The following TRERF1 variants were observed in gnomAD, a reference collection of about 807,000 sequenced individuals.
TRERF1 encodes transcriptional regulating factor 1.
Under a neutral mutation model 122.9 loss-of-function variants are expected in TRERF1, and 27 were observed. The observed-to-expected ratio is 0.22, with a 90% confidence interval of 0.16 to 0.30. The LOEUF is 0.30. Among genes scored for constraint, TRERF1 ranks in the 10% least tolerant of loss-of-function variants. The probability of loss-of-function intolerance (pLI) is 1.00; values close to 1 mark genes in which losing one functional copy is unlikely to be tolerated. For synonymous variants in TRERF1, 636 were observed against 641.7 expected (o/e 0.99, Z 0.13); for missense variants, 1,248 against 1,560.3 (o/e 0.80, Z 3.37).
chr6:42,229,592 C>T (rs1770111189), intron 17 of TRERF1, among the ~76,000 whole-genome samples: 1 of 152,134 alleles, frequency 6.6e-6, no homozygotes, highest in Non-Finnish European at 1.5e-5. Flanking sequence ...AATTCAGTGG[C>T]CCCTGTCTTT....
chr6:42,332,257 A>G (rs980387680), intron 3 of TRERF1, among the ~76,000 whole-genome samples: 4 of 152,150 alleles, frequency 2.6e-5, no homozygotes, highest in Non-Finnish European at 5.9e-5. Context: ...AACATTCTAA[A>G]CCAGCCATGA....
Position 42,268,131 on chromosome 6 carries a change from A to C in TRERF1, c.1437+23T>G. ...ACCCTGTAGCACACTGGGTATTGAG[A>C]GAAACTTCCAATGGGAGAATACCTG... On this transcript the variant is annotated intron_variant, in intron 5 of 17. Coordinates refer to ENST00000372922, the Ensembl canonical transcript of TRERF1. The surrounding 1 kb of genome is among the most constrained non-coding windows in gnomAD (Gnocchi z 4.4). The C allele has an allele frequency of 7.0e-7, 1 of 1,438,674 alleles. No individual in the cohort carries two copies. The highest frequency in any genetic ancestry group is 9.1e-7 in the Non-Finnish European group (1 of 1,094,192). 89.1% of individuals were successfully genotyped at this position (1,438,674 alleles called of 1,614,324 possible).
chr6:42,267,925 C>A (rs1779499767), intron 5 of TRERF1, among the ~76,000 whole-genome samples: 1 of 152,202 alleles, frequency 6.6e-6, no homozygotes, highest in South Asian at 2.1e-4. Context: ...GGTACTCTGG[C>A]CATCTCCTTA....
intron 2 of TRERF1, among the ~76,000 whole-genome samples, chr6:42,391,434 T>G (rs1269822368): frequency 6.6e-6 from 1 of 150,554 alleles, no homozygotes; most frequent in Non-Finnish European, 1.5e-5. Context: ...CTGCCATTAT[T>G]TCCCAGCCGG....
intron 17 of TRERF1, among the ~76,000 whole-genome samples, chr6:42,231,435 C>T (rs563620095): frequency 2.8e-4 from 43 of 152,322 alleles, no homozygotes; most frequent in African/African-American, 9.9e-4. Flanking sequence ...ACCTGATAAA[C>T]AGCAGTTACT....
chr6:42,369,943 C>T (rs1773469824), intron 2 of TRERF1, among the ~76,000 whole-genome samples: 1 of 152,180 alleles, frequency 6.6e-6, no homozygotes, highest in East Asian at 1.9e-4. Flanking sequence ...TTCCCAGTCC[C>T]TCTAAACCTA....
intron 2 of TRERF1, among the ~76,000 whole-genome samples, chr6:42,417,800 C>CA (rs1345992630): frequency 6.6e-6 from 1 of 151,690 alleles, no homozygotes; most frequent in African/African-American, 2.4e-5. Context: ...TTTGGTCACA[C>CA]CCCCCCAACA....
In TRERF1 at chr6:42,263,270, C is replaced by CG. The variant is rs761863675; in HGVS notation, c.1884+49dup. 5 of 1,552,124 alleles carry CG rather than the reference C, an allele frequency of 3.2e-6. No individual in the cohort carries two copies. Among genetic ancestry groups the CG allele is most frequent in the Admixed American group, 1.8e-5 (1 of 55,620 alleles). On this transcript the variant is annotated intron_variant, in intron 8 of 17. Coordinates refer to ENST00000372922, the Ensembl canonical transcript of TRERF1. The surrounding 1 kb of genome is among the most constrained non-coding windows in gnomAD (Gnocchi z 5.6). ...AGAGCAGCAACTCACAGCAGGCGTG[C>CG]GGGGGGCAGCCCCTTGGGGTGAGTG...
chr6:42,291,699 GT>G (rs1014135394), intron 4 of TRERF1, among the ~76,000 whole-genome samples: 33 of 144,980 alleles, frequency 2.3e-4, no homozygotes, highest in East Asian at 6.0e-4. Flanking sequence ...ACGCCCGGCT[GT>G]TTTTTTTTTT....
intron 2 of TRERF1, among the ~76,000 whole-genome samples, chr6:42,370,291 T>TTTCTAA (rs1562080247): frequency 6.6e-6 from 1 of 152,250 alleles, no homozygotes; most frequent in Non-Finnish European, 1.5e-5. Flanking sequence ...GTCTGGGAAG[T>TTTCTAA]ATGCATGTCC....
chr6:42,236,938 G>GTT (rs1246102148), intron 15 of TRERF1, among the ~76,000 whole-genome samples: 1 of 152,232 alleles, frequency 6.6e-6, no homozygotes. Context: ...CAGAAAGCAC[G>GTT]TGACTCAAGG....
chr6:42,425,899 C>G (rs1423385721), intron 2 of TRERF1, among the ~76,000 whole-genome samples: 1 of 152,042 alleles, frequency 6.6e-6, no homozygotes, highest in Admixed American at 6.6e-5. Context: ...CACTTGCCCC[C>G]ACAAACCTCC....
At chr6:42,368,364 C>T (rs1773146269) in intron 2 of TRERF1, among the ~76,000 whole-genome samples, 1 of 152,152 alleles carries the variant, frequency 6.6e-6, no homozygotes, top group Non-Finnish European at 1.5e-5. Flanking sequence ...GGCGCCCCCA[C>T]ACAGCACCTC....
At chr6:42,372,011 G>A (rs965907223) in intron 2 of TRERF1, among the ~76,000 whole-genome samples, 6 of 151,980 alleles carry the variant, frequency 3.9e-5, no homozygotes, top group African/African-American at 7.3e-5. Context: ...GTGAAACCCC[G>A]TCTCTACTAA....
chr6:42,279,696 C>T (rs549142672), intron 4 of TRERF1, among the ~76,000 whole-genome samples: 12 of 152,238 alleles, frequency 7.9e-5, no homozygotes, highest in South Asian at 6.2e-4. Context: ...TGGTGGCTGG[C>T]GCTGTCACCA....
At chr6:42,296,988 A>G (rs1190602327) in intron 4 of TRERF1, among the ~76,000 whole-genome samples, 4 of 152,234 alleles carry the variant, frequency 2.6e-5, no homozygotes, top group African/African-American at 9.6e-5. Context: ...GCTAGTTAAA[A>G]CATTTTGGTA....
chr6:42,277,495 C>T (rs570721995), intron 4 of TRERF1, among the ~76,000 whole-genome samples: 5 of 152,068 alleles, frequency 3.3e-5, no homozygotes, highest in Non-Finnish European at 1.5e-5. Context: ...CCTGACATGG[C>T]TAGGATTGTA....
intron 2 of TRERF1, among the ~76,000 whole-genome samples, chr6:42,371,069 T>C (rs1773673881): frequency 6.6e-6 from 1 of 152,084 alleles, no homozygotes; most frequent in Non-Finnish European, 1.5e-5. Flanking sequence ...ACGGTGGGAT[T>C]CTCCACAGTC....
chr6:42,259,825 C>T lies in TRERF1; in HGVS notation c.1885-102G>A. The stretch of plus-strand genomic sequence containing the variant: ...GCCTTCTACTGTCTAAGCAGAGAGC[C>T]CTTCTGCTTGACCCCCCCACCCCCA... On this transcript the variant is annotated intron_variant, in intron 8 of 17. Transcript: ENST00000372922. The surrounding 1 kb of genome is among the most constrained non-coding windows in gnomAD (Gnocchi z 4.9). 2 of 1,513,052 alleles carry T rather than the reference C, an allele frequency of 1.3e-6. No homozygotes were observed. The highest frequency in any genetic ancestry group is 4.0e-5 in the Admixed American group (2 of 49,406). 93.7% of individuals were successfully genotyped at this position (1,513,052 alleles called of 1,614,324 possible).
Sources: allele counts gnomAD v4.1 joint callset (sites outside exome capture counted in the v4.1 genomes callset), GRCh38; gene constraint gnomAD v4.1.1; non-coding constraint Gnocchi (gnomAD v3.1); transcripts MANE v1.5; gene names NCBI Gene and HGNC (gene_info 2026-07-23, HGNC 2026-07-21).